The following ASPA variants were observed in gnomAD, a reference collection of about 807,000 sequenced individuals.
ASPA encodes aspartoacylase.
Under a neutral mutation model 29.6 loss-of-function variants are expected in ASPA, and 25 were observed. The ratio of observed to expected loss-of-function variants is 0.85; its 90% CI spans 0.62 to 1.18. ASPA has a LOEUF of 1.18. Among genes scored for constraint, ASPA ranks in the 50% most tolerant of loss-of-function variants. The pLI, the probability that ASPA is intolerant of heterozygous loss-of-function variation, is 0.00. For synonymous variants in ASPA, 131 were observed against 130.3 expected, an observed-to-expected ratio of 1.01 and a Z score of -0.04; for missense variants, 333 against 385.7, an observed-to-expected ratio of 0.86 and a Z score of 1.14.
chr17:3,478,094 A>G (rs2073562172), intron 1 of ASPA, among the ~76,000 whole-genome samples: 1 of 152,126 alleles, frequency 6.6e-6, no homozygotes. Flanking sequence ...CTGAGGCAGG[A>G]GAATGGCGTG....
At position 3,493,286 on chromosome 17, in the gene ASPA, G is replaced by A. The variant is rs2073853742; in HGVS notation, c.635-1064G>A. Among the ~76,000 whole-genome samples the A allele has an allele frequency of 2.0e-5, 3 of 152,164 alleles. No homozygotes were observed. In the South Asian group the frequency reaches 6.2e-4, roughly 31 times the overall value. On this transcript the variant is annotated intron_variant, in intron 4 of 5. Transcript: ENST00000263080. ...GTACTTAGTTAAGAAAAAGAGGCTG[G>A]GCATGGTGGCTCACGCCTGTAATCC...
At position 3,502,068 on chromosome 17, in the gene ASPA, G is replaced by C. The variant is rs560909109; in HGVS notation, c.*2980G>C. 2 of 152,258 alleles carry C rather than the reference G, an allele frequency of 1.3e-5. No individual in the cohort carries two copies. The highest frequency in any genetic ancestry group is 2.1e-4 in the South Asian group (1 of 4,824). The allele number at this position is 152,258 out of a possible 1,614,324, so 9.4% of individuals were successfully genotyped here. On this transcript the variant is annotated 3_prime_UTR_variant, in exon 6 of 6. Transcript: ENST00000263080. ...AAGAGTCAATCAATGCAGCGAACTTGTTGTTTTATTTTAAGAAATTGTCAC... is the reference window on the plus strand; with the variant it reads ...AAGAGTCAATCAATGCAGCGAACTTCTTGTTTTATTTTAAGAAATTGTCAC...
intron 5 of ASPA, among the ~76,000 whole-genome samples, chr17:3,495,693 C>T (rs965376855): frequency 2.6e-5 from 4 of 152,146 alleles, no homozygotes; most frequent in South Asian, 2.1e-4. Context: ...CTCAGCCTCC[C>T]GAGTAGCTGG....
rs1477299095 is a variant in ASPA at position 3,502,527 on chromosome 17, G to A, written c.*3439G>A. On this transcript the variant is annotated 3_prime_UTR_variant, in exon 6 of 6. Transcript: ENST00000263080. ...GTCTATAAACTTCAGCATTCGTTGC[G>A]AAATCCAGAGGAGACTTTTAAGTGC... 8 of 152,268 alleles carry A rather than the reference G, an allele frequency of 5.3e-5. No individual in the cohort carries two copies. Among genetic ancestry groups the A allele is most frequent in the South Asian group, 4.2e-4 (2 of 4,818 alleles). 9.4% of individuals were successfully genotyped at this position (152,268 alleles called of 1,614,324 possible). A position where few individuals can be genotyped will look rare whatever the true frequency, so the allele number is the denominator to read the frequency against.
At chr17:3,479,071 TC>T (rs981399845) in intron 1 of ASPA, among the ~76,000 whole-genome samples, 1 of 152,236 alleles carries the variant, frequency 6.6e-6, no homozygotes, top group African/African-American at 2.4e-5. Context: ...CTAGGAATCA[TC>T]CTAATATGCA....
At chr17:3,480,975 C>A (rs764536253) in intron 1 of ASPA, among the ~76,000 whole-genome samples, 11 of 151,996 alleles carry the variant, frequency 7.2e-5, no homozygotes, top group Middle Eastern at 3.4e-3. Flanking sequence ...AGAAGATTAG[C>A]TGGGCATGGT....
Position 3,488,552 on chromosome 17 carries a change from G to T in ASPA, c.527-683G>T, listed in dbSNP as rs747538443. Among the ~76,000 whole-genome samples the T allele has an allele frequency of 2.0e-5, 3 of 152,168 alleles. No individual in the cohort carries two copies. Among genetic ancestry groups the T allele is most frequent in the Non-Finnish European group, 2.9e-5 (2 of 68,026 alleles). On this transcript the variant is annotated intron_variant, in intron 3 of 5. Coordinates refer to ENST00000263080, the MANE Select transcript of ASPA (RefSeq NM_000049.4). This position sits in a 1 kb window ranked among gnomAD's most constrained non-coding sequence, Gnocchi z 6.1. The stretch of plus-strand genomic sequence containing the variant: ...CGTGCCTGTAATCCCAGCTACTCGG[G>T]AGGCTGAGGCAGAAGAATCGCTTGA...
intron 1 of ASPA, among the ~76,000 whole-genome samples, 169 bp downstream of exon 1, chr17:3,476,564 C>T (rs1203288668): frequency 6.6e-6 from 1 of 152,200 alleles, no homozygotes; most frequent in African/African-American, 2.4e-5. Context: ...GTGAATTGCA[C>T]AATTATCTAA....
Position 3,499,193 on chromosome 17 carries a change from T to G in ASPA, c.*105T>G. The G allele has an allele frequency of 8.2e-7, 1 of 1,219,680 alleles. No individual in the cohort carries two copies. The highest frequency in any genetic ancestry group is 1.2e-6 in the Non-Finnish European group (1 of 864,540). 75.6% of individuals were successfully genotyped at this position (1,219,680 alleles called of 1,614,324 possible). A position where few individuals can be genotyped will look rare whatever the true frequency, so the allele number is the denominator to read the frequency against. ...CTTATTCAACTGCATACATAGCTCC[T>G]AGCACAGTGCCTTATTCGGTAGGCA... is the stretch of plus-strand genomic sequence containing the variant. On this transcript the variant is annotated 3_prime_UTR_variant, in exon 6 of 6. Transcript: ENST00000263080.
At chr17:3,495,053 T>C (rs1193903141) in intron 5 of ASPA, among the ~76,000 whole-genome samples, 1 of 151,390 alleles carries the variant, frequency 6.6e-6, no homozygotes, top group African/African-American at 2.4e-5. Context: ...CAGAATCTAC[T>C]CCTTGCCTAG....
intron 5 of ASPA, among the ~76,000 whole-genome samples, chr17:3,494,820 C>T (rs2073883639): frequency 6.6e-6 from 1 of 152,176 alleles, no homozygotes; most frequent in Admixed American, 6.5e-5. Flanking sequence ...CTCCTACCCA[C>T]ATTCAGCGGG....
rs935301962 is a variant in ASPA at position 3,489,516 on chromosome 17, A to G, written c.634+174A>G. ...ACACATTCAAGAAAAGCAGCTGCCAAATAAAGACTCCACATTAAATCCTTA... is the reference window on the plus strand; with the variant it reads ...ACACATTCAAGAAAAGCAGCTGCCAGATAAAGACTCCACATTAAATCCTTA... On this transcript the variant is annotated intron_variant, in intron 4 of 5. Transcript: ENST00000263080. 3.9e-5 allele frequency among the ~76,000 whole-genome samples: 6 copies of G among 152,304 alleles called. No homozygotes were observed. The South Asian group carries it at 8.3e-4, about 21-fold the overall frequency.
chr17:3,478,775 T>C (rs2073577233), intron 1 of ASPA, among the ~76,000 whole-genome samples: 1 of 152,190 alleles, frequency 6.6e-6, no homozygotes, highest in Admixed American at 6.5e-5. Context: ...CTCTCCCAAA[T>C]TTATTCATTT....
In ASPA at chr17:3,499,182, T is replaced by C; in HGVS notation, c.*94T>C. The stretch of plus-strand genomic sequence containing the variant: ...TAGGGTTGTGCCTTATTCAACTGCA[T>C]ACATAGCTCCTAGCACAGTGCCTTA... On this transcript the variant is annotated 3_prime_UTR_variant, in exon 6 of 6. Coordinates refer to ENST00000263080, the MANE Select transcript of ASPA (RefSeq NM_000049.4). The C allele has an allele frequency of 7.4e-7, 1 of 1,360,050 alleles. No individual in the cohort carries two copies. The allele number at this position is 1,360,050 out of a possible 1,614,324, so 84.2% of individuals were successfully genotyped here.
chr17:3,485,749 T>TC lies in ASPA; in HGVS notation c.526+2158dup, dbSNP rs1343972393. ...ACAAGCTAACCATTAGCCTAGCACC[T>TC]CTGAGTGGATGCCAGTAGAAGACAC... On this transcript the variant is annotated intron_variant, in intron 3 of 5. Transcript: ENST00000263080. The surrounding 1 kb of genome is among the most constrained non-coding windows in gnomAD (Gnocchi z 4.4). Among the ~76,000 whole-genome samples the TC allele has an allele frequency of 6.6e-6, 1 of 152,122 alleles. No homozygotes were observed. The highest frequency in any genetic ancestry group is 2.4e-5 in the African/African-American group (1 of 41,408).
rs1226258048 is a variant in ASPA, at chr17:3,499,111, T to TA, written c.*24dup. 1.2e-6 allele frequency: 2 copies of TA among 1,607,484 alleles called. No homozygotes were observed. The highest frequency in any genetic ancestry group is 1.7e-6 in the Non-Finnish European group (2 of 1,176,160). Reference sequence around the variant, plus strand: ...TAGAAATCACTTCCAGCTTACATCTTACACGGTGTCTTACAAATTCTGCTA... The same window carrying TA: ...TAGAAATCACTTCCAGCTTACATCTTAACACGGTGTCTTACAAATTCTGCTA... On this transcript the variant is annotated 3_prime_UTR_variant, in exon 6 of 6. Coordinates refer to ENST00000263080, the MANE Select transcript of ASPA (RefSeq NM_000049.4).
Position 3,503,395 on chromosome 17 carries a change from T to C in ASPA, c.*4307T>C, listed in dbSNP as rs1043003276. 2 of 152,212 alleles carry C rather than the reference T, an allele frequency of 1.3e-5. No individual in the cohort carries two copies. The highest frequency in any genetic ancestry group is 2.9e-5 in the Non-Finnish European group (2 of 68,028). The allele number at this position is 152,212 out of a possible 1,614,324, so 9.4% of individuals were successfully genotyped here. ...ATTATTTACATTGGAATAAACTCTC[T>C]TCCTTCTGAATTCTGTAGTAAAAAT... On this transcript the variant is annotated 3_prime_UTR_variant, in exon 6 of 6. Transcript: ENST00000263080.
At chr17:3,482,072 A>G (rs906778337) in intron 2 of ASPA, among the ~76,000 whole-genome samples, 12 of 152,368 alleles carry the variant, frequency 7.9e-5, no homozygotes, top group South Asian at 6.2e-4. Context: ...ATAAAATTAC[A>G]CGTTTTATCC....
At chr17:3,486,734 C>G (rs137989857) in intron 3 of ASPA, among the ~76,000 whole-genome samples, 7 of 152,240 alleles carry the variant, frequency 4.6e-5, no homozygotes, top group African/African-American at 1.7e-4. Context: ...AGCAGGTTGG[C>G]AAACAATATA....
Sources: gnomAD v4.1 joint callset for allele counts (sites outside exome capture counted in the v4.1 genomes callset) on GRCh38, gnomAD v4.1.1 for gene constraint, Gnocchi (gnomAD v3.1) non-coding constraint, MANE v1.5 for transcripts, NCBI Gene and HGNC (gene_info 2026-07-23, HGNC 2026-07-21) for gene names.